TP63: variants seen among roughly 807,000 people sequenced by gnomAD.
The protein encoded by TP63 is tumor protein p63.
In TP63, 17 loss-of-function variants were observed where a neutral mutation model predicts 82.8. The ratio of observed to expected loss-of-function variants is 0.21; its 90% confidence interval spans 0.14 to 0.31. The LOEUF (loss-of-function observed/expected upper bound fraction) is 0.31. Ranked by LOEUF, TP63 falls within the 10% of genes least tolerant of loss-of-function variation. The pLI is 1.00. For missense variants in TP63, 648 were observed against 895.3 expected (o/e 0.72, Z 3.52); for synonymous variants, 330 against 321.7 (o/e 1.03, Z -0.28).
intron 3 of TP63, among the ~76,000 whole-genome samples, chr3:189,761,501 G>C (rs1367663850): frequency 7.0e-6 from 1 of 142,538 alleles, no homozygotes; most frequent in Non-Finnish European, 1.6e-5. Context: ...ATCTCCACCT[G>C]TGACCACCTC....
At chr3:189,629,607 AAGGACCAGCAGCATC>A (rs1729392407), upstream of TP63, among the ~76,000 whole-genome samples, 1 of 152,160 alleles carries the variant, frequency 6.6e-6, no homozygotes, top group Admixed American at 6.5e-5. Flanking sequence ...AGTGTGGTCC[AAGGACCAGCAGCATC>A]AAGTAACCTG....
chr3:189,599,281 A>C, the TP63 span, among the ~76,000 whole-genome samples: 9 of 152,136 alleles, frequency 5.9e-5, no homozygotes, highest in Non-Finnish European at 1.2e-4. Context: ...ACAACCAGCC[A>C]CTTTGCTTTC....
chr3:189,881,632 G>C (rs370272626), intron 10 of TP63: 1 of 673,322 alleles, frequency 1.5e-6, no homozygotes, highest in African/African-American at 2.0e-5. Flanking sequence ...TTGTTCCTAC[G>C]TACATTTCTT....
intron 3 of TP63, among the ~76,000 whole-genome samples, chr3:189,756,684 T>C (rs972058907): frequency 6.6e-6 from 1 of 152,202 alleles, no homozygotes; most frequent in Non-Finnish European, 1.5e-5. Context: ...GGGAAGGTGT[T>C]TGCAGTTGCT....
chr3:189,844,422 A>G (rs1224999312), intron 4 of TP63: 3 of 325,556 alleles, frequency 9.2e-6, no homozygotes, highest in Non-Finnish European at 1.9e-5. Flanking sequence ...AGTAGGTGGG[A>G]TTACAGACAT....
chr3:189,777,852 T>C (rs1234711478), intron 3 of TP63, among the ~76,000 whole-genome samples: 3 of 120,614 alleles, frequency 2.5e-5, no homozygotes, highest in East Asian at 4.5e-4. Flanking sequence ...CTTCTTTTTT[T>C]TTTTTTTTTT....
At chr3:189,810,930 C>T (rs1348954052) in intron 4 of TP63, among the ~76,000 whole-genome samples, 2 of 151,886 alleles carry the variant, frequency 1.3e-5, no homozygotes, top group Non-Finnish European at 2.9e-5. Flanking sequence ...AAGCCCCTCT[C>T]TCAGAGAAGT....
At chr3:189,749,786 A>C (rs78861023) in intron 3 of TP63, among the ~76,000 whole-genome samples, 2,873 of 152,296 alleles carry the variant, frequency 0.019, 95 homozygotes, top group East Asian at 0.15. Context: ...TAAAGAAATA[A>C]AATTTGGTGT....
At chr3:189,719,310 C>T (rs552926812) in intron 1 of TP63, among the ~76,000 whole-genome samples, 1 of 152,086 alleles carries the variant, frequency 6.6e-6, no homozygotes, top group Admixed American at 6.5e-5. Flanking sequence ...TCAAACTTGT[C>T]CTTAGTTATA....
In TP63 at chr3:189,895,099, T is replaced by A; in HGVS notation, c.*597T>A. On this transcript the variant is annotated 3_prime_UTR_variant, in exon 14 of 14. Coordinates refer to ENST00000264731, the MANE Select transcript of TP63 (RefSeq NM_003722.5). ...TTCTAAATACATGCCACATCAAACC[T>A]TTGAGTAGATCCATTTCCATTGCTT... is the stretch of plus-strand genomic sequence containing the variant. 1 of 221,244 alleles carries A rather than the reference T, an allele frequency of 4.5e-6. No homozygotes were observed. The highest frequency in any genetic ancestry group is 9.1e-6 in the Non-Finnish European group (1 of 110,340). The allele number at this position is 221,244 out of a possible 1,614,324, so 13.7% of individuals were successfully genotyped here.
chr3:189,747,007 A>G (rs932454205), intron 3 of TP63, among the ~76,000 whole-genome samples: 1 of 151,874 alleles, frequency 6.6e-6, no homozygotes, highest in Non-Finnish European at 1.5e-5. Context: ...AAAGAAACAA[A>G]GGTCATTATG....
intron 3 of TP63, among the ~76,000 whole-genome samples, chr3:189,790,046 AG>A (rs1008879951): frequency 6.6e-6 from 1 of 151,518 alleles, no homozygotes; most frequent in Non-Finnish European, 1.5e-5. Flanking sequence ...AAACAGTAGG[AG>A]AAGATGAAAA....
At chr3:189,673,955 G>A (rs1332985928) in intron 1 of TP63, among the ~76,000 whole-genome samples, 1 of 152,094 alleles carries the variant, frequency 6.6e-6, no homozygotes, top group Non-Finnish European at 1.5e-5. Context: ...TATAAAGTGA[G>A]ATACTTATAT....
intron 4 of TP63, among the ~76,000 whole-genome samples, chr3:189,837,673 C>CA (rs1324606456): frequency 6.6e-6 from 1 of 152,170 alleles, no homozygotes; most frequent in East Asian, 1.9e-4. Flanking sequence ...TTTCTTGAGA[C>CA]AGAGTCTCCT....
intron 1 of TP63, among the ~76,000 whole-genome samples, chr3:189,654,725 C>T (rs9842604): frequency 0.44 from 66,904 of 152,042 alleles, 16,109 homozygotes; most frequent in Middle Eastern, 0.69. Context: ...AGCCCTTTTA[C>T]ATATGTATGA....
At chr3:189,784,024 T>C (rs1211795554) in intron 3 of TP63, among the ~76,000 whole-genome samples, 1 of 151,978 alleles carries the variant, frequency 6.6e-6, no homozygotes, top group African/African-American at 2.4e-5. Context: ...TTTATATACA[T>C]AAACACGGGA....
chr3:189,794,026 T>C (rs1373343232), intron 3 of TP63, among the ~76,000 whole-genome samples: 1 of 152,060 alleles, frequency 6.6e-6, no homozygotes, highest in Non-Finnish European at 1.5e-5. Context: ...ATTCCTAATC[T>C]TAAGGACACA....
intron 10 of TP63, among the ~76,000 whole-genome samples, chr3:189,879,350 G>T (rs988011028): frequency 2.6e-5 from 4 of 152,180 alleles, no homozygotes; most frequent in African/African-American, 7.2e-5. Flanking sequence ...CATCCTCGTG[G>T]TGTAAATAAT....
At chr3:189,784,882 A>G (rs1359878415) in intron 3 of TP63, among the ~76,000 whole-genome samples, 1 of 152,038 alleles carries the variant, frequency 6.6e-6, no homozygotes, top group Non-Finnish European at 1.5e-5. Flanking sequence ...AGGAAGGTAA[A>G]CACTTAATTC....
Sources: gnomAD v4.1 joint callset for allele counts (sites outside exome capture counted in the v4.1 genomes callset) on GRCh38, gnomAD v4.1.1 for gene constraint, MANE v1.5 for transcripts, NCBI Gene and HGNC (gene_info 2026-07-23, HGNC 2026-07-21) for gene names.